Variants in ARHGAP42 observed in about 807,000 individuals in gnomAD.
ARHGAP42 encodes Rho GTPase activating protein 42.
A neutral mutation model predicts 125.0 loss-of-function variants in ARHGAP42; 63 were observed. The observed-to-expected ratio is 0.50, with a 90% CI of 0.41 to 0.62. ARHGAP42 has a LOEUF of 0.62. Ranked by LOEUF, ARHGAP42 falls within the 20% of genes least tolerant of loss-of-function variation. ARHGAP42 has a pLI of 0.00. For synonymous variants in ARHGAP42, 339 were observed against 351.0 expected (o/e 0.97, Z 0.38); for missense variants, 766 against 1,024.2 (o/e 0.75, Z 3.44).
rs1030414395 is a variant in ARHGAP42 at position 100,770,500 on chromosome 11, C to T, written c.250+62C>T. The T allele has an allele frequency of 1.0e-4, 112 of 1,105,858 alleles. No individual in the cohort carries two copies. In the African/African-American group the frequency reaches 1.6e-3, roughly 16 times the overall value. The allele number at this position is 1,105,858 out of a possible 1,614,324, so 68.5% of individuals were successfully genotyped here. ...ATTTATTTTACTGAAATCAAATAGACACACACCTAAATAATAAACATGTAA... is the reference window on the plus strand; with the variant it reads ...ATTTATTTTACTGAAATCAAATAGATACACACCTAAATAATAAACATGTAA... On this transcript the variant is annotated intron_variant, in intron 2 of 23. Coordinates refer to ENST00000298815, the MANE Select transcript of ARHGAP42 (RefSeq NM_152432.4).
At chr11:100,868,964 A>C (rs969120528) in intron 4 of ARHGAP42, among the ~76,000 whole-genome samples, 16 of 152,084 alleles carry the variant, frequency 1.1e-4, no homozygotes, top group African/African-American at 3.9e-4. Context: ...GCTATTATAT[A>C]CTTTCTGTCA....
At chr11:100,836,389 T>A (rs929242000) in intron 3 of ARHGAP42, among the ~76,000 whole-genome samples, 2 of 152,080 alleles carry the variant, frequency 1.3e-5, no homozygotes, top group Non-Finnish European at 2.9e-5. Flanking sequence ...AAATTTTCCA[T>A]CATGAACAAT....
chr11:100,891,768 A>G (rs566352039), intron 4 of ARHGAP42, among the ~76,000 whole-genome samples: 19 of 152,274 alleles, frequency 1.2e-4, no homozygotes, highest in Middle Eastern at 3.4e-3. Context: ...TGAAGGGTGC[A>G]ATAGAGACAG....
intron 2 of ARHGAP42, among the ~76,000 whole-genome samples, chr11:100,779,566 A>ATATATACGTATACATACGTATG (rs1565210768): frequency 6.8e-6 from 1 of 146,550 alleles, no homozygotes; most frequent in Admixed American, 6.9e-5. Flanking sequence ...ACATACGTAT[A>ATATATACGTATACATACGTATG]TATACGTATA....
intron 1 of ARHGAP42, among the ~76,000 whole-genome samples, chr11:100,697,440 C>G (rs1434182052): frequency 6.6e-6 from 1 of 152,184 alleles, no homozygotes; most frequent in Non-Finnish European, 1.5e-5. Context: ...CCTCGGCCTC[C>G]CAAAGTGCTG....
chr11:100,744,771 T>C (rs1332331630), intron 1 of ARHGAP42, among the ~76,000 whole-genome samples: 1 of 152,172 alleles, frequency 6.6e-6, no homozygotes, highest in Admixed American at 6.6e-5. Flanking sequence ...TGTGAGCAAG[T>C]TCACCATTGT....
chr11:100,932,895 G>A (rs1249088683), intron 6 of ARHGAP42, among the ~76,000 whole-genome samples: 1 of 152,106 alleles, frequency 6.6e-6, no homozygotes, highest in Non-Finnish European at 1.5e-5. Context: ...TTTCTTCAAT[G>A]CATTTGAATA....
At chr11:100,709,877 A>T (rs1861532435) in intron 1 of ARHGAP42, among the ~76,000 whole-genome samples, 1 of 152,228 alleles carries the variant, frequency 6.6e-6, no homozygotes, top group Non-Finnish European at 1.5e-5. Context: ...TAAGACTTTC[A>T]TCTTTTAAAG....
intron 1 of ARHGAP42, among the ~76,000 whole-genome samples, chr11:100,750,891 C>T (rs57055922): frequency 0.011 from 1,655 of 151,810 alleles, 30 homozygotes; most frequent in African/African-American, 0.036. Context: ...AGGTCTTGAA[C>T]TGCAGAGGTC....
At chr11:100,741,432 A>G (rs968361719) in intron 1 of ARHGAP42, among the ~76,000 whole-genome samples, 11 of 152,188 alleles carry the variant, frequency 7.2e-5, no homozygotes, top group African/African-American at 2.4e-4. Flanking sequence ...GTGTGAATAG[A>G]GAGAGGGTGA....
intron 3 of ARHGAP42, among the ~76,000 whole-genome samples, chr11:100,833,323 T>G (rs1446566927): frequency 1.3e-5 from 2 of 152,224 alleles, no homozygotes; most frequent in Non-Finnish European, 2.9e-5. Context: ...TATCCAGTAT[T>G]TTAAGAAGAA....
At chr11:100,756,746 C>CACA (rs1470922781) in intron 1 of ARHGAP42, among the ~76,000 whole-genome samples, 5 of 152,186 alleles carry the variant, frequency 3.3e-5, no homozygotes, top group Non-Finnish European at 5.9e-5. Flanking sequence ...CAAGTTGACA[C>CACA]AGTTGGAATT....
intron 4 of ARHGAP42, among the ~76,000 whole-genome samples, chr11:100,897,057 T>TGG (rs1866382846): frequency 6.6e-6 from 1 of 152,240 alleles, no homozygotes; most frequent in African/African-American, 2.4e-5. Flanking sequence ...TTTCTACATA[T>TGG]ATCTAGCCAG....
At position 100,911,623 on chromosome 11, in the gene ARHGAP42, T is replaced by C. The variant is rs140804352; in HGVS notation, c.385-1829T>C. Among the ~76,000 whole-genome samples, 17 of 152,180 alleles carry C rather than the reference T, an allele frequency of 1.1e-4. No individual in the cohort carries two copies. The East Asian group carries it at 3.3e-3, about 30-fold the overall frequency. ...TTTAGAAAGGTATGTTGCAGGTAAG[T>C]TGTGGACATAAAGTGCCAGATTAAA... On this transcript the variant is annotated intron_variant, in intron 4 of 23. Coordinates refer to ENST00000298815, the MANE Select transcript of ARHGAP42 (RefSeq NM_152432.4).
intron 1 of ARHGAP42, among the ~76,000 whole-genome samples, chr11:100,710,537 A>AGTT (rs1861545792): frequency 2.5e-5 from 2 of 78,546 alleles, no homozygotes; most frequent in Non-Finnish European, 4.7e-5. Context: ...CCCGGCCAGC[A>AGTT]GTTTTTTTTT....
At chr11:100,832,796 A>G (rs1230995390) in intron 3 of ARHGAP42, among the ~76,000 whole-genome samples, 1 of 152,234 alleles carries the variant, frequency 6.6e-6, no homozygotes, top group East Asian at 1.9e-4. Flanking sequence ...AGTACAGGAT[A>G]TGAATTGGAA....
intron 1 of ARHGAP42, among the ~76,000 whole-genome samples, chr11:100,709,221 G>T: frequency 6.6e-6 from 1 of 152,084 alleles, no homozygotes; most frequent in East Asian, 1.9e-4. Flanking sequence ...TGTATTTTTA[G>T]TAGAGACGGC....
intron 3 of ARHGAP42, among the ~76,000 whole-genome samples, chr11:100,834,816 T>G (rs1307207009): frequency 6.7e-6 from 1 of 149,768 alleles, no homozygotes; most frequent in Non-Finnish European, 1.5e-5. Flanking sequence ...GGCCCCCTTC[T>G]GCTTTGGACA....
intron 4 of ARHGAP42, among the ~76,000 whole-genome samples, chr11:100,908,363 T>C (rs1866809910): frequency 6.6e-6 from 1 of 152,182 alleles, no homozygotes; most frequent in South Asian, 2.1e-4. Context: ...ATAGTGTTCA[T>C]TGTACCCAAC....
Sources: gnomAD v4.1 joint callset for allele counts (sites outside exome capture counted in the v4.1 genomes callset) on GRCh38, gnomAD v4.1.1 for gene constraint, MANE v1.5 for transcripts, NCBI Gene and HGNC (gene_info 2026-07-23, HGNC 2026-07-21) for gene names.